SLC4A4: variants seen among roughly 807,000 people sequenced by gnomAD.
The protein encoded by SLC4A4 is electrogenic sodium bicarbonate cotransporter 1.
In SLC4A4, 27 loss-of-function variants were observed where a neutral mutation model predicts 111.5. The ratio of observed to expected loss-of-function variants is 0.24; its 90% CI spans 0.18 to 0.33. The LOEUF (loss-of-function observed/expected upper bound fraction) is 0.33. Among genes scored for constraint, SLC4A4 ranks in the 10% least tolerant of loss-of-function variants. SLC4A4 has a pLI of 1.00. For synonymous variants in SLC4A4, 443 were observed against 463.4 expected (o/e 0.96, Z 0.57); for missense variants, 909 against 1,315.5 (o/e 0.69, Z 4.78).
At chr4:71,424,005 C>G (rs1279089370) in intron 7 of SLC4A4, among the ~76,000 whole-genome samples, 3 of 152,046 alleles carry the variant, frequency 2.0e-5, no homozygotes, top group Admixed American at 6.6e-5. Flanking sequence ...TCTAGTTAAA[C>G]TAAAGAGCTT....
In SLC4A4 at chr4:71,419,564, G is replaced by A. The variant is rs1026229326; in HGVS notation, c.808-21052G>A. Among the ~76,000 whole-genome samples the A allele has an allele frequency of 4.6e-5, 7 of 152,338 alleles. 1 individual carries two copies. Among genetic ancestry groups the A allele is most frequent in the Admixed American group, 3.9e-4 (6 of 15,298 alleles). On this transcript the variant is annotated intron_variant, in intron 7 of 25. Transcript: ENST00000264485. ...CCTGTCGGAAAAGTGCAGTATTTGA[G>A]TGGGAGTGACCCGATTTTCCAGGTG... is the stretch of plus-strand genomic sequence containing the variant.
At chr4:71,549,798 CCTAA>C (rs1243258071) in intron 20 of SLC4A4, among the ~76,000 whole-genome samples, 4 of 151,826 alleles carry the variant, frequency 2.6e-5, no homozygotes, top group Admixed American at 6.6e-5. Flanking sequence ...AACGCCTCTT[CCTAA>C]CTATTTTCTC....
chr4:71,211,742 A>G (rs566850097), intron 1 of SLC4A4, among the ~76,000 whole-genome samples: 20 of 150,192 alleles, frequency 1.3e-4, no homozygotes, highest in Non-Finnish European at 2.4e-4. Flanking sequence ...GAGTAAACAC[A>G]TTAGTAATAG....
chr4:71,436,925 T>G (rs973525688), intron 7 of SLC4A4: 1 of 283,182 alleles, frequency 3.5e-6, no homozygotes, highest in African/African-American at 2.3e-5. Flanking sequence ...GACATTTCAA[T>G]GGGAAATGAG....
chr4:71,215,156 T>C (rs1415114049), intron 1 of SLC4A4, among the ~76,000 whole-genome samples: 1 of 152,252 alleles, frequency 6.6e-6, no homozygotes, highest in Admixed American at 6.5e-5. Context: ...GGATCACAAA[T>C]GTCATTTAGT....
chr4:71,082,228 C>T (rs900000824), intron 1 of SLC4A4, among the ~76,000 whole-genome samples: 3 of 152,058 alleles, frequency 2.0e-5, no homozygotes, highest in African/African-American at 7.3e-5. Flanking sequence ...TTCTCTTATT[C>T]TGCTTAACTT....
At chr4:71,397,694 G>C in intron 7 of SLC4A4, 41 bp downstream of exon 7, 1 of 1,514,160 alleles carries the variant, frequency 6.6e-7, no homozygotes, top group East Asian at 2.3e-5. Flanking sequence ...GTAAGAGAAC[G>C]TATATCTAAA....
intron 16 of SLC4A4, among the ~76,000 whole-genome samples, chr4:71,520,624 T>C (rs1471821588): frequency 1.3e-5 from 2 of 152,212 alleles, no homozygotes; most frequent in African/African-American, 4.8e-5. Flanking sequence ...TAGTACTTTA[T>C]AAATTTAAGG....
chr4:71,402,769 C>T (rs1245098806), intron 7 of SLC4A4, among the ~76,000 whole-genome samples: 1 of 152,170 alleles, frequency 6.6e-6, no homozygotes, highest in African/African-American at 2.4e-5. Flanking sequence ...GCCAGGTGTC[C>T]CTGAGGGGAA....
At chr4:71,236,994 A>G (rs932004299) in intron 2 of SLC4A4, among the ~76,000 whole-genome samples, 2 of 152,360 alleles carry the variant, frequency 1.3e-5, no homozygotes, top group Middle Eastern at 3.4e-3. Context: ...ATTTATATAA[A>G]TATATTCAGC....
chr4:71,563,880 C>A lies in SLC4A4; in HGVS notation c.3187C>A (p.Pro1063Thr), dbSNP rs536244068. 16 of 1,603,786 alleles carry A rather than the reference C, an allele frequency of 1.0e-5. No homozygotes were observed. The East Asian group carries it at 2.7e-4, about 27-fold the overall frequency. ...GCAACCTTTCCTAAGCGATAGCAAA[C>A]CTTCTGACAGTGAGTAGAACTAACC... ...EQQPFLSDSK[P>T]SDRERSPTFL... The change falls in exon 24 of 26, where the codon CCT becomes ACT. Residue 1063 changes from proline to threonine, a missense_variant. This residue lies in a region of SLC4A4 where 85 missense variants were observed against 79.8 expected (regional missense o/e 1.07). Transcript: ENST00000264485.
In SLC4A4 at chr4:71,112,442, T is replaced by A. The variant is rs548559487; in HGVS notation, c.-2+19650T>A. Among the ~76,000 whole-genome samples, 20 of 152,306 alleles carry A rather than the reference T, an allele frequency of 1.3e-4. 1 individual carries two copies. In the South Asian group the frequency reaches 4.1e-3, roughly 32 times the overall value. ...TCCCAGAGTAATTTTACACAATGCT[T>A]CCTGGGAAGAAATAAATTAAACTTG... On this transcript the variant is annotated intron_variant, in intron 2 of 26. Coordinates refer to the SLC4A4 transcript ENST00000649996.
chr4:71,450,618 T>A, intron 10 of SLC4A4, 75 bp downstream of exon 10: 1 of 1,293,962 alleles, frequency 7.7e-7, no homozygotes, highest in Non-Finnish European at 1.1e-6. Flanking sequence ...AAAAAAAAAG[T>A]GAAGTCAACC....
intron 16 of SLC4A4, among the ~76,000 whole-genome samples, chr4:71,528,494 T>C (rs1733609456): frequency 6.6e-6 from 1 of 152,110 alleles, no homozygotes; most frequent in African/African-American, 2.4e-5. Flanking sequence ...AATTTGTGTG[T>C]TGTTGAATAG....
chr4:71,425,015 G>T (rs569347604), intron 7 of SLC4A4, among the ~76,000 whole-genome samples: 2 of 151,820 alleles, frequency 1.3e-5, no homozygotes, highest in East Asian at 3.9e-4. Context: ...AGAATAAAAG[G>T]TAATAGCTGA....
intron 1 of SLC4A4, among the ~76,000 whole-genome samples, chr4:71,198,881 G>A (rs1284591673): frequency 1.3e-5 from 2 of 152,170 alleles, no homozygotes; most frequent in African/African-American, 4.8e-5. Context: ...TATACAGTGG[G>A]TATTTATGTG....
chr4:71,487,078 T>C, intron 15 of SLC4A4, 60 bp downstream of exon 15: 3 of 941,806 alleles, frequency 3.2e-6, no homozygotes, highest in Non-Finnish European at 5.2e-6. Context: ...TACTTGTTTA[T>C]AATACTTATA....
At chr4:71,353,674 T>C (rs1402716467) in intron 5 of SLC4A4, among the ~76,000 whole-genome samples, 1 of 152,208 alleles carries the variant, frequency 6.6e-6, no homozygotes, top group Non-Finnish European at 1.5e-5. Context: ...TACTTCTGAG[T>C]TGAGAATTAT....
chr4:71,532,856 A>G (rs962271419), intron 17 of SLC4A4, among the ~76,000 whole-genome samples: 9 of 152,158 alleles, frequency 5.9e-5, no homozygotes, highest in African/African-American at 2.2e-4. Flanking sequence ...TACTCTTTTC[A>G]TGCTATGAAA....
Sources: gnomAD v4.1 joint callset for allele counts (sites outside exome capture counted in the v4.1 genomes callset) on GRCh38, gnomAD v4.1.1 for gene constraint, gnomAD v4.1.1 regional missense constraint, MANE v1.5 for transcripts, NCBI Gene and HGNC (gene_info 2026-07-23, HGNC 2026-07-21) for gene names.